FSD1L: variants seen among roughly 807,000 people sequenced by gnomAD.
The protein encoded by FSD1L is FSD1-like protein.
Under a neutral mutation model 71.6 loss-of-function variants are expected in FSD1L, and 45 were observed. That is an observed-to-expected ratio of 0.63 (90% CI 0.49 to 0.81). The LOEUF (loss-of-function observed/expected upper bound fraction) is 0.81. FSD1L is among the 30% of genes least tolerant of loss of function. FSD1L has a pLI of 0.00. For missense variants in FSD1L, 561 were observed against 618.1 expected (o/e 0.91, Z 0.98); for synonymous variants, 197 against 207.2 (o/e 0.95, Z 0.42).
chr9:105,469,389 C>T (rs761396722), intron 4 of FSD1L, among the ~76,000 whole-genome samples: 2 of 151,848 alleles, frequency 1.3e-5, no homozygotes, highest in Admixed American at 6.6e-5. Context: ...TCCTACCAGC[C>T]GAAGTGTTCC....
upstream of FSD1L, among the ~76,000 whole-genome samples, chr9:105,443,912 T>G (rs1829586943): frequency 6.6e-6 from 1 of 152,224 alleles, no homozygotes; most frequent in Non-Finnish European, 1.5e-5. Flanking sequence ...GGTGCTACTT[T>G]TATGATCTCT....
intron 13 of FSD1L, among the ~76,000 whole-genome samples, chr9:105,545,949 T>G (rs1008118307): frequency 2.0e-5 from 3 of 152,126 alleles, no homozygotes; most frequent in African/African-American, 7.2e-5. Flanking sequence ...TGTTAGATTT[T>G]TATAGTCTCA....
chr9:105,485,962 A>G (rs1437470662), intron 7 of FSD1L, among the ~76,000 whole-genome samples: 1 of 151,156 alleles, frequency 6.6e-6, no homozygotes. Context: ...CTGTTTTTGA[A>G]TAGAGAATGT....
At position 105,539,267 on chromosome 9, in the gene FSD1L, A is replaced by G; in HGVS notation, c.1383A>G (p.Gln461=). The G allele has an allele frequency of 7.0e-7, 1 of 1,437,360 alleles. No homozygotes were observed. The highest frequency in any genetic ancestry group is 2.5e-5 in the East Asian group (1 of 39,794). 89.0% of individuals were successfully genotyped at this position (1,437,360 alleles called of 1,614,324 possible). A position where few individuals can be genotyped will look rare whatever the true frequency, so the allele number is the denominator to read the frequency against. Residue 461 remains glutamine, a synonymous_variant, in exon 13 of 14, where the codon CAA becomes CAG. Transcript: ENST00000481272. ...CTTTTTTTCCTTCTTTTTTAGGTCA[A>G]CTTTCATTCTATGATGCAAATTCTA... ...IGVFCDFDGG[Q]LSFYDANSKQ... is the part of the protein sequence containing the mutation.
At chr9:105,470,464 T>C (rs1475385781) in intron 4 of FSD1L, among the ~76,000 whole-genome samples, 1 of 152,214 alleles carries the variant, frequency 6.6e-6, no homozygotes, top group Non-Finnish European at 1.5e-5. Context: ...GGTCTCATGC[T>C]TTGTTGGTTA....
At chr9:105,509,259 G>A (rs1834258177) in intron 9 of FSD1L, among the ~76,000 whole-genome samples, 2 of 152,162 alleles carry the variant, frequency 1.3e-5, no homozygotes, top group Non-Finnish European at 2.9e-5. Flanking sequence ...TATATTAAAT[G>A]ACTTTCCCAT....
chr9:105,511,057 T>C lies in FSD1L; in HGVS notation c.896-1750T>C, dbSNP rs183459036. Among the ~76,000 whole-genome samples the C allele has an allele frequency of 3.3e-4, 50 of 151,924 alleles. 1 individual carries two copies. The East Asian group carries it at 7.3e-3, about 22-fold the overall frequency. ...GAGGAGCTCTATAACTTAACTGAGG[T>C]CCATAAGGGGTAGTGTCCACAAAGA... is the stretch of plus-strand genomic sequence containing the variant. On this transcript the variant is annotated intron_variant, in intron 9 of 13. Coordinates refer to ENST00000481272, the MANE Select transcript of FSD1L (RefSeq NM_001145313.3).
intron 6 of FSD1L, among the ~76,000 whole-genome samples, chr9:105,482,048 T>G (rs966962031): frequency 6.6e-6 from 1 of 152,180 alleles, no homozygotes; most frequent in Non-Finnish European, 1.5e-5. Context: ...GTGCTGGGGT[T>G]ACAGATATGA....
In FSD1L at chr9:105,535,317, G is replaced by A. The variant is rs1241496818; in HGVS notation, c.1377G>A (p.Gly459=). 6.4e-7 allele frequency: 1 copy of A among 1,551,172 alleles called. No homozygotes were observed. Among genetic ancestry groups the A allele is most frequent in the Non-Finnish European group, 8.7e-7 (1 of 1,146,822 alleles). ...EKIGVFCDFD[G]GQLSFYDANS... is the part of the protein sequence containing the mutation. ...TAGGTGTATTTTGTGATTTTGATGG[G>A]GGTAAGTTTATTTTCTCGTAGGTTA... Residue 459 remains glycine, a splice_region_variant and synonymous_variant, in exon 12 of 14, where the codon GGG becomes GGA. Coordinates refer to ENST00000481272, the MANE Select transcript of FSD1L (RefSeq NM_001145313.3).
chr9:105,549,881 G>T lies in FSD1L; in HGVS notation c.*3398G>T, dbSNP rs1009571351. The stretch of plus-strand genomic sequence containing the variant: ...GTTTCTTATGGAAACAATTGGAAAA[G>T]TATATGGAAAATGATTATTTCAAAG... On this transcript the variant is annotated 3_prime_UTR_variant, in exon 14 of 14. Transcript: ENST00000481272. 6.6e-6 allele frequency: 1 copy of T among 151,866 alleles called. No individual in the cohort carries two copies. Among genetic ancestry groups the T allele is most frequent in the Admixed American group, 6.6e-5 (1 of 15,220 alleles). 9.4% of individuals were successfully genotyped at this position (151,866 alleles called of 1,614,324 possible).
chr9:105,464,783 C>T (rs967544667), intron 3 of FSD1L, among the ~76,000 whole-genome samples: 3 of 150,914 alleles, frequency 2.0e-5, no homozygotes, highest in African/African-American at 7.3e-5. Context: ...CCAGCTTGGG[C>T]AACATGGCAA....
At chr9:105,447,103 T>G (rs1458706735), upstream of FSD1L, among the ~76,000 whole-genome samples, 1 of 152,016 alleles carries the variant, frequency 6.6e-6, no homozygotes, top group Non-Finnish European at 1.5e-5. Flanking sequence ...GTGGGCGGAC[T>G]GCCTGAGCTT....
chr9:105,507,206 C>G (rs1245155627), intron 8 of FSD1L, among the ~76,000 whole-genome samples: 3 of 152,144 alleles, frequency 2.0e-5, no homozygotes, highest in Non-Finnish European at 4.4e-5. Flanking sequence ...TTCAAGATTA[C>G]CTTCATGTTA....
In FSD1L at chr9:105,552,255, C is replaced by T. The variant is rs1193711741; in HGVS notation, c.*5772C>T. 1 of 152,056 alleles carries T rather than the reference C, an allele frequency of 6.6e-6. No homozygotes were observed. Among genetic ancestry groups the T allele is most frequent in the African/African-American group, 2.4e-5 (1 of 41,384 alleles). The allele number at this position is 152,056 out of a possible 1,614,324, so 9.4% of individuals were successfully genotyped here. A position where few individuals can be genotyped will look rare whatever the true frequency, so the allele number is the denominator to read the frequency against. ...CAATAGTGTTTTAAGAAGCACATGGCCTCATTTTCCTTAGAAACAAGACAA... is the reference window on the plus strand; with the variant it reads ...CAATAGTGTTTTAAGAAGCACATGGTCTCATTTTCCTTAGAAACAAGACAA... On this transcript the variant is annotated 3_prime_UTR_variant, in exon 14 of 14. Coordinates refer to ENST00000481272, the MANE Select transcript of FSD1L (RefSeq NM_001145313.3).
At chr9:105,502,982 A>G (rs1235721955) in intron 7 of FSD1L, among the ~76,000 whole-genome samples, 1 of 151,244 alleles carries the variant, frequency 6.6e-6, no homozygotes, top group African/African-American at 2.4e-5. Flanking sequence ...GGCTTAAGCA[A>G]CCCTCCTGCC....
chr9:105,461,357 CA>C (rs916700628), intron 1 of FSD1L, among the ~76,000 whole-genome samples, 162 bp from the exon 2 acceptor site: 9 of 147,524 alleles, frequency 6.1e-5, no homozygotes, highest in East Asian at 2.0e-4. Context: ...CACTCCGTAC[CA>C]AAAAAAAAGA....
chr9:105,455,954 C>G (rs1830332335), intron 1 of FSD1L, among the ~76,000 whole-genome samples: 1 of 152,178 alleles, frequency 6.6e-6, no homozygotes, highest in Non-Finnish European at 1.5e-5. Flanking sequence ...TAGAATTTGA[C>G]TCAGAAGTCT....
chr9:105,508,699 G>T lies in FSD1L; in HGVS notation c.879G>T (p.Val293=). The change falls in exon 9 of 14, where the codon GTG becomes GTT. Residue 293 remains valine, a synonymous_variant. Transcript: ENST00000481272. ...KAVAGEYSDP[V]TLETKALNFN... ...TGGCTGGAGAGTATTCTGATCCAGT[G>T]ACTCTAGAGACCAAAGGTGAGATCA... is the stretch of plus-strand genomic sequence containing the variant. The T allele has an allele frequency of 6.5e-7, 1 of 1,544,890 alleles. No homozygotes were observed. The highest frequency in any genetic ancestry group is 1.2e-5 in the South Asian group (1 of 83,808).
chr9:105,496,536 T>G (rs1242336924), intron 7 of FSD1L, among the ~76,000 whole-genome samples: 1 of 152,244 alleles, frequency 6.6e-6, no homozygotes, highest in Non-Finnish European at 1.5e-5. Context: ...CATTGGAATG[T>G]CTCTACATTG....
Sources: allele counts gnomAD v4.1 joint callset (sites outside exome capture counted in the v4.1 genomes callset), GRCh38; gene constraint gnomAD v4.1.1; transcripts MANE v1.5; gene names NCBI Gene and HGNC (gene_info 2026-07-23, HGNC 2026-07-21).